Variants in NR1H4 observed in about 807,000 individuals in gnomAD.
NR1H4 encodes the protein nuclear receptor subfamily 1 group H member 4.
A neutral mutation model predicts 58.5 loss-of-function variants in NR1H4; 23 were observed. That is an observed-to-expected ratio of 0.39 (90% CI 0.28 to 0.56). NR1H4 has a LOEUF of 0.56. Ranked by LOEUF, NR1H4 falls within the 20% of genes least tolerant of loss-of-function variation. The probability of loss-of-function intolerance (pLI) is 0.58; values close to 1 mark genes in which losing one functional copy is unlikely to be tolerated. For synonymous variants in NR1H4, 214 were observed against 198.0 expected (o/e 1.08, Z -0.68); for missense variants, 487 against 576.9 (o/e 0.84, Z 1.60).
intron 9 of NR1H4, among the ~76,000 whole-genome samples, chr12:100,545,655 A>C (rs1206632823): frequency 6.8e-5 from 10 of 146,528 alleles, no homozygotes; most frequent in Admixed American, 1.4e-4. Flanking sequence ...AAAAAAAAAA[A>C]AAAAAAAAAA....
chr12:100,503,819 C>G (rs944130390), intron 3 of NR1H4, among the ~76,000 whole-genome samples: 1 of 152,114 alleles, frequency 6.6e-6, no homozygotes, highest in African/African-American at 2.4e-5. Context: ...AACATTTTAA[C>G]AGACATTATT....
chr12:100,557,274 G>A (rs1955351084), intron 9 of NR1H4, among the ~76,000 whole-genome samples: 1 of 152,050 alleles, frequency 6.6e-6, no homozygotes, highest in African/African-American at 2.4e-5. Flanking sequence ...GTCACATGGT[G>A]AGACAGGGAG....
intron 1 of NR1H4, among the ~76,000 whole-genome samples, chr12:100,475,799 T>C (rs1331282606): frequency 6.6e-6 from 1 of 152,066 alleles, no homozygotes; most frequent in Non-Finnish European, 1.5e-5. Context: ...GCAGTGGCGC[T>C]ATATCGGCTC....
Position 100,564,197 on chromosome 12 carries a change from T to G in NR1H4, c.*708T>G, listed in dbSNP as rs1341692291. On this transcript the variant is annotated 3_prime_UTR_variant, in exon 11 of 11. Transcript: ENST00000392986. The stretch of plus-strand genomic sequence containing the variant: ...CTAACTGCAGTGATGGGACCTTCGC[T>G]TTCCTCTCTTAAAAGTGAGGAAATG... 1 of 152,242 alleles carries G rather than the reference T, an allele frequency of 6.6e-6. No individual in the cohort carries two copies. Among genetic ancestry groups the G allele is most frequent in the African/African-American group, 2.4e-5 (1 of 41,456 alleles). 9.4% of individuals were successfully genotyped at this position (152,242 alleles called of 1,614,324 possible). A position where few individuals can be genotyped will look rare whatever the true frequency, so the allele number is the denominator to read the frequency against.
rs376291636 is a variant in NR1H4, at chr12:100,549,377, G to A, written c.1078+8559G>A. On this transcript the variant is annotated intron_variant, in intron 9 of 10. Coordinates refer to ENST00000392986, the MANE Select transcript of NR1H4 (RefSeq NM_001206979.2). Reference sequence around the variant, plus strand: ...AAACAAAAACACATTCCAGCAAGTAGGGAGGGCAAAGGGGAAAAAGAATGG... The same window carrying A: ...AAACAAAAACACATTCCAGCAAGTAAGGAGGGCAAAGGGGAAAAAGAATGG... Among the ~76,000 whole-genome samples, 96 of 152,104 alleles carry A rather than the reference G, an allele frequency of 6.3e-4. 1 individual carries two copies. Among genetic ancestry groups the A allele is most frequent in the African/African-American group, 2.0e-3 (85 of 41,522 alleles).
chr12:100,554,470 A>G (rs1479322582), intron 9 of NR1H4, among the ~76,000 whole-genome samples: 2 of 152,096 alleles, frequency 1.3e-5, no homozygotes, highest in East Asian at 3.9e-4. Context: ...CTAATTAGGA[A>G]ATAAAAACTT....
chr12:100,515,165 C>CTTTT (rs59404984), intron 4 of NR1H4, among the ~76,000 whole-genome samples: 56 of 94,828 alleles, frequency 5.9e-4, no homozygotes, highest in South Asian at 7.4e-4. Context: ...TTTGTCAAAG[C>CTTTT]TTTTTTTTTT....
intron 3 of NR1H4, among the ~76,000 whole-genome samples, chr12:100,497,612 G>A (rs1290143994): frequency 6.6e-6 from 1 of 152,124 alleles, no homozygotes; most frequent in East Asian, 1.9e-4. Flanking sequence ...GGGGTGGAAG[G>A]ACACAGTTAC....
chr12:100,554,192 G>A (rs1041965997), intron 9 of NR1H4, among the ~76,000 whole-genome samples: 4 of 152,334 alleles, frequency 2.6e-5, no homozygotes, highest in Admixed American at 1.3e-4. Context: ...TTTGTGTGCC[G>A]TGTCAGGGAT....
intron 9 of NR1H4, among the ~76,000 whole-genome samples, chr12:100,557,226 C>G (rs1955349202): frequency 6.6e-6 from 1 of 151,840 alleles, no homozygotes; most frequent in Non-Finnish European, 1.5e-5. Context: ...CCCCAGGGAG[C>G]TTTTACTCAT....
chr12:100,561,872 C>A lies in NR1H4; in HGVS notation c.1079-13C>A, dbSNP rs1555198482. 1.9e-6 allele frequency: 2 copies of A among 1,055,650 alleles called. No individual in the cohort carries two copies. Among genetic ancestry groups the A allele is most frequent in the Non-Finnish European group, 3.0e-6 (2 of 671,124 alleles). 65.4% of individuals were successfully genotyped at this position (1,055,650 alleles called of 1,614,324 possible). Reference sequence around the variant, plus strand: ...CTCAAAAATTGTATTATGATTGCAACTTTCCCCCACAGGTATCTCTGATGA... The same window carrying A: ...CTCAAAAATTGTATTATGATTGCAAATTTCCCCCACAGGTATCTCTGATGA... On this transcript the variant is annotated splice_polypyrimidine_tract_variant and intron_variant, in intron 9 of 10. Coordinates refer to ENST00000392986, the MANE Select transcript of NR1H4 (RefSeq NM_001206979.2).
chr12:100,520,318 G>A (rs2136194519), intron 4 of NR1H4, among the ~76,000 whole-genome samples: 1 of 152,192 alleles, frequency 6.6e-6, no homozygotes, highest in South Asian at 2.1e-4. Context: ...ACTGGTTAGA[G>A]TTCAGCAAAA....
intron 3 of NR1H4, chr12:100,503,481 A>G: frequency 1.3e-6 from 2 of 1,596,784 alleles, no homozygotes; most frequent in Non-Finnish European, 1.7e-6. Flanking sequence ...AATGATGAGT[A>G]TGAAGCCCGC....
At chr12:100,545,075 T>G (rs1955027993) in intron 9 of NR1H4, among the ~76,000 whole-genome samples, 1 of 152,234 alleles carries the variant, frequency 6.6e-6, no homozygotes, top group East Asian at 1.9e-4. Flanking sequence ...ATCTGGTGGT[T>G]GTTCTATCTT....
chr12:100,493,211 C>CTCTCGTG, intron 2 of NR1H4, 59 bp from the exon 3 acceptor site: 3 of 700,656 alleles, frequency 4.3e-6, no homozygotes. Context: ...CCTTCCCCAG[C>CTCTCGTG]TCTCCTAACC....
At chr12:100,492,936 A>G (rs1366271480) in intron 2 of NR1H4, among the ~76,000 whole-genome samples, 1 of 152,052 alleles carries the variant, frequency 6.6e-6, no homozygotes, top group Non-Finnish European at 1.5e-5. Flanking sequence ...AAGGCCTTTT[A>G]TATTTGTTTT....
At chr12:100,527,287 G>T (rs1455212417) in intron 4 of NR1H4, among the ~76,000 whole-genome samples, 1 of 152,206 alleles carries the variant, frequency 6.6e-6, no homozygotes, top group Non-Finnish European at 1.5e-5. Context: ...CAACAGTTTG[G>T]GAGGTTGAGG....
At chr12:100,511,603 C>T (rs1954118248) in intron 4 of NR1H4, among the ~76,000 whole-genome samples, 1 of 151,892 alleles carries the variant, frequency 6.6e-6, no homozygotes, top group Non-Finnish European at 1.5e-5. Context: ...AAAGAAAGAG[C>T]CAAGTAATAA....
At chr12:100,488,128 G>A (rs1023292494) in intron 1 of NR1H4, among the ~76,000 whole-genome samples, 1 of 152,078 alleles carries the variant, frequency 6.6e-6, no homozygotes, top group African/African-American at 2.4e-5. Context: ...AGCCTCTCGA[G>A]TAGCTGGGAT....
Sources: allele counts gnomAD v4.1 joint callset (sites outside exome capture counted in the v4.1 genomes callset), GRCh38; gene constraint gnomAD v4.1.1; transcripts MANE v1.5; gene names NCBI Gene and HGNC (gene_info 2026-07-23, HGNC 2026-07-21).